KLF12: variants seen among roughly 807,000 people sequenced by gnomAD.
KLF12 encodes the protein KLF transcription factor 12, also known as Krueppel-like factor 12.
Under a neutral mutation model 37.8 loss-of-function variants are expected in KLF12, and 9 were observed. The observed-to-expected ratio is 0.24, with a 90% CI of 0.14 to 0.42. The LOEUF (loss-of-function observed/expected upper bound fraction) is 0.42. Among genes scored for constraint, KLF12 ranks in the 10% least tolerant of loss-of-function variants. The pLI, the probability that KLF12 is intolerant of heterozygous loss-of-function variation, is 1.00. For missense variants in KLF12, 411 were observed against 516.0 expected (o/e 0.80, Z 1.97); for synonymous variants, 208 against 202.1 (o/e 1.03, Z -0.25).
intron 1 of KLF12, among the ~76,000 whole-genome samples, chr13:74,110,099 GA>G (rs1849654315): frequency 6.6e-6 from 1 of 152,148 alleles, no homozygotes; most frequent in South Asian, 2.1e-4. Context: ...TTTCTTAAGT[GA>G]AATGTCACAT....
chr13:73,871,424 G>A (rs911336872), intron 3 of KLF12, among the ~76,000 whole-genome samples: 3 of 152,122 alleles, frequency 2.0e-5, no homozygotes, highest in African/African-American at 7.2e-5. Flanking sequence ...TACACTAACT[G>A]ACAATTGTTA....
At chr13:73,725,702 AC>A (rs1387478554) in intron 6 of KLF12, among the ~76,000 whole-genome samples, 3 of 152,002 alleles carry the variant, frequency 2.0e-5, no homozygotes, top group Admixed American at 1.3e-4. Flanking sequence ...ATAGGACTTA[AC>A]ATGCTAATTA....
the KLF12 span, among the ~76,000 whole-genome samples, chr13:74,178,227 C>T: frequency 1.3e-5 from 2 of 152,200 alleles, no homozygotes; most frequent in African/African-American, 4.8e-5. Context: ...ATTCCATCCA[C>T]CTTGTGTGGT....
intron 3 of KLF12, among the ~76,000 whole-genome samples, chr13:73,931,416 C>T (rs2139288368): frequency 6.6e-6 from 1 of 151,960 alleles, no homozygotes; most frequent in Admixed American, 6.5e-5. Context: ...GTGAATATAC[C>T]CAAGGGCAAT....
chr13:73,718,585 C>T (rs941709540), intron 6 of KLF12, among the ~76,000 whole-genome samples: 2 of 152,052 alleles, frequency 1.3e-5, no homozygotes, highest in Admixed American at 6.6e-5. Flanking sequence ...GGTGAAACTC[C>T]GTCTCTACCA....
intron 3 of KLF12, among the ~76,000 whole-genome samples, chr13:73,887,391 A>C (rs1199427429): frequency 6.6e-6 from 1 of 152,202 alleles, no homozygotes; most frequent in Non-Finnish European, 1.5e-5. Context: ...TGGATGGCTT[A>C]CTACCATGGT....
At chr13:74,236,091 C>T in the KLF12 span, among the ~76,000 whole-genome samples, 1 of 148,694 alleles carries the variant, frequency 6.7e-6, no homozygotes, top group South Asian at 2.1e-4. Context: ...GCTGTCCCTC[C>T]CCGCTCCCCC....
intron 1 of KLF12, among the ~76,000 whole-genome samples, chr13:74,131,629 T>C (rs1878264875): frequency 6.6e-6 from 1 of 152,204 alleles, no homozygotes; most frequent in African/African-American, 2.4e-5. Context: ...CATTCCACAA[T>C]AAAGTTCAGC....
intron 3 of KLF12, among the ~76,000 whole-genome samples, chr13:73,866,249 C>A (rs1886171515): frequency 6.6e-6 from 1 of 151,956 alleles, no homozygotes; most frequent in African/African-American, 2.4e-5. Flanking sequence ...AGCAAGACTG[C>A]CTCAAAAAAC....
chr13:73,874,258 T>TA (rs983519860), intron 3 of KLF12, among the ~76,000 whole-genome samples: 2 of 152,136 alleles, frequency 1.3e-5, no homozygotes, highest in African/African-American at 4.8e-5. Context: ...ATGGAGAAAA[T>TA]AGACAGTTCT....
At chr13:74,102,564 G>C (rs1461620807) in intron 1 of KLF12, among the ~76,000 whole-genome samples, 2 of 152,006 alleles carry the variant, frequency 1.3e-5, no homozygotes, top group African/African-American at 2.4e-5. Context: ...AGGCATTTTG[G>C]CAGGTGCCTG....
At position 73,917,722 on chromosome 13, in the gene KLF12, T is replaced by C. The variant is rs531881234; in HGVS notation, c.123+26259A>G. On this transcript the variant is annotated intron_variant, in intron 3 of 7. Transcript: ENST00000377669. ...CAGGCAATAAACAAACACTAGCTAA[T>C]ATTTTTATTCCTGCTACAAGTATCC... Among the ~76,000 whole-genome samples the C allele has an allele frequency of 5.9e-5, 9 of 152,368 alleles. No homozygotes were observed. In the South Asian group the frequency reaches 1.4e-3, roughly 25 times the overall value.
the KLF12 span, among the ~76,000 whole-genome samples, chr13:74,260,574 T>TAAAATAAATA: frequency 2.0e-5 from 2 of 100,318 alleles, no homozygotes; most frequent in African/African-American, 1.1e-4. Flanking sequence ...TAAAATAAAA[T>TAAAATAAATA]AAATAAAATA....
the KLF12 span, among the ~76,000 whole-genome samples, chr13:74,221,244 C>G: frequency 8.2e-4 from 125 of 152,142 alleles, 1 homozygote; most frequent in African/African-American, 2.8e-3. Flanking sequence ...CTGACCTCGT[C>G]ATCCGCCCGC....
intron 2 of KLF12, among the ~76,000 whole-genome samples, chr13:73,959,132 A>AAAAAAAAAAAAAAAAAC (rs1890942267): frequency 6.6e-6 from 1 of 151,354 alleles, no homozygotes; most frequent in Non-Finnish European, 1.5e-5. Context: ...TCCAAAAAAA[A>AAAAAAAAAAAAAAAAAC]ACGCAGGCAA....
the KLF12 span, among the ~76,000 whole-genome samples, chr13:74,152,885 G>GATAATAATAATAATA: frequency 7.2e-6 from 1 of 139,030 alleles, no homozygotes; most frequent in Non-Finnish European, 1.5e-5. Context: ...CCCCATTACA[G>GATAATAATAATAATA]ATAATAATAA....
the KLF12 span, among the ~76,000 whole-genome samples, chr13:74,266,564 T>G: frequency 6.6e-6 from 1 of 152,196 alleles, no homozygotes; most frequent in African/African-American, 2.4e-5. Context: ...CTTCCTGGTA[T>G]CATCCTGCTA....
the KLF12 span, among the ~76,000 whole-genome samples, chr13:74,189,092 A>C: frequency 6.6e-6 from 1 of 152,194 alleles, no homozygotes; most frequent in Non-Finnish European, 1.5e-5. Context: ...GAATATGCAA[A>C]TATGCAAAAT....
At chr13:73,771,340 T>C (rs1373725215) in intron 5 of KLF12, among the ~76,000 whole-genome samples, 3 of 152,226 alleles carry the variant, frequency 2.0e-5, no homozygotes, top group Non-Finnish European at 4.4e-5. Context: ...AAATAGCTGT[T>C]GTATTATTGG....
Sources: gnomAD v4.1 joint callset for allele counts (sites outside exome capture counted in the v4.1 genomes callset) on GRCh38, gnomAD v4.1.1 for gene constraint, MANE v1.5 for transcripts, NCBI Gene and HGNC (gene_info 2026-07-23, HGNC 2026-07-21) for gene names.